Variants in WDR17 observed in about 807,000 individuals in gnomAD.
The protein encoded by WDR17 is WD repeat domain 17, also known as WD repeat-containing protein 17.
A neutral mutation model predicts 161.7 loss-of-function variants in WDR17; 143 were observed. That is an observed-to-expected ratio of 0.88 (90% CI 0.77 to 1.02). The LOEUF is 1.02. WDR17 is among the 50% of genes least tolerant of loss of function. The pLI is 0.00. For synonymous variants in WDR17, 517 were observed against 515.6 expected (o/e 1.00, Z -0.04); for missense variants, 1,469 against 1,520.9 (o/e 0.97, Z 0.57).
At chr4:176,133,242 C>T (rs1475623497) in intron 7 of WDR17, among the ~76,000 whole-genome samples, 1 of 121,126 alleles carries the variant, frequency 8.3e-6, no homozygotes, top group Non-Finnish European at 1.7e-5. Context: ...TGTGGTTCTC[C>T]TTGGTCTCCT....
intron 1 of WDR17, among the ~76,000 whole-genome samples, chr4:176,072,103 C>A (rs145096841): frequency 8.8e-4 from 134 of 152,292 alleles, no homozygotes; most frequent in African/African-American, 3.1e-3. Context: ...CCTATTTTGT[C>A]TTCTAAGCTT....
chr4:176,140,063 A>G (rs1285250203), intron 10 of WDR17, 89 bp downstream of exon 10: 4 of 1,113,308 alleles, frequency 3.6e-6, no homozygotes, highest in Non-Finnish European at 5.1e-6. Flanking sequence ...ATGAGATTTC[A>G]TTTGTACAGC....
intron 2 of WDR17, among the ~76,000 whole-genome samples, chr4:176,113,856 T>C (rs1740177016): frequency 6.6e-6 from 1 of 152,038 alleles, no homozygotes; most frequent in Admixed American, 6.6e-5. Context: ...AACTGTTGTT[T>C]TGTAATGCAC....
At chr4:176,102,028 T>C (rs559213569) in intron 1 of WDR17, among the ~76,000 whole-genome samples, 3 of 152,302 alleles carry the variant, frequency 2.0e-5, no homozygotes, top group South Asian at 2.1e-4. Context: ...AGCTGGACTT[T>C]ATTAAAATGA....
intron 17 of WDR17, among the ~76,000 whole-genome samples, chr4:176,152,858 C>G (rs1747433204): frequency 6.6e-6 from 1 of 151,628 alleles, no homozygotes; most frequent in African/African-American, 2.4e-5. Flanking sequence ...CTGCTTGAAC[C>G]TGGGAGGCGG....
intron 1 of WDR17, among the ~76,000 whole-genome samples, chr4:176,068,981 A>T: frequency 6.6e-6 from 1 of 152,196 alleles, no homozygotes; most frequent in East Asian, 1.9e-4. Flanking sequence ...ATATAAAATG[A>T]TCAGCTTTGT....
At chr4:176,097,887 G>A (rs1224975694) in intron 1 of WDR17, among the ~76,000 whole-genome samples, 1 of 151,914 alleles carries the variant, frequency 6.6e-6, no homozygotes, top group Admixed American at 6.6e-5. Flanking sequence ...TGGAGATTAT[G>A]AGAATTCAAA....
At chr4:176,085,033 G>A (rs1735253060) in intron 1 of WDR17, among the ~76,000 whole-genome samples, 1 of 151,548 alleles carries the variant, frequency 6.6e-6, no homozygotes, top group Non-Finnish European at 1.5e-5. Context: ...CATTAGGCTT[G>A]TTCATATAAA....
In WDR17 at chr4:176,179,566, T is replaced by C; in HGVS notation, c.3839T>C (p.Leu1280Pro). Reference sequence around the variant, plus strand: ...TCACCTTTAGGGACTGGAATACGACTCAATCCATTCTGATAGAAGATTTTT... The same window carrying C: ...TCACCTTTAGGGACTGGAATACGACCCAATCCATTCTGATAGAAGATTTTT... ...PFSPLGTGIR[L>P]NPF Residue 1280 changes from leucine (L) to proline (P), a missense_variant, in exon 29 of 29, where the codon CTC becomes CCC. By Grantham distance (98) the Leu-to-Pro change is moderately conservative (BLOSUM62 -3). Transcript: ENST00000508596. 1.3e-6 allele frequency: 2 copies of C among 1,562,480 alleles called. No individual in the cohort carries two copies. Among genetic ancestry groups the C allele is most frequent in the South Asian group, 2.5e-5 (2 of 81,006 alleles).
At chr4:176,095,572 T>A (rs1458967331) in intron 1 of WDR17, among the ~76,000 whole-genome samples, 2 of 152,132 alleles carry the variant, frequency 1.3e-5, no homozygotes, top group East Asian at 3.8e-4. Context: ...AATGAAACAC[T>A]CAAATTACAA....
intron 17 of WDR17, among the ~76,000 whole-genome samples, chr4:176,152,944 AAAGG>A (rs1389833521): frequency 6.6e-6 from 1 of 152,066 alleles, no homozygotes; most frequent in Non-Finnish European, 1.5e-5. Context: ...AAAAAAAAAA[AAAGG>A]AAGCTTATTT....
intron 1 of WDR17, among the ~76,000 whole-genome samples, chr4:176,093,456 C>T (rs1016355037): frequency 5.3e-5 from 8 of 152,054 alleles, no homozygotes; most frequent in Middle Eastern, 3.4e-3. Flanking sequence ...ATAAGTTTTC[C>T]GACAATGAAA....
chr4:176,121,803 T>A (rs1463534906), intron 4 of WDR17, among the ~76,000 whole-genome samples: 2 of 152,204 alleles, frequency 1.3e-5, no homozygotes, highest in Non-Finnish European at 2.9e-5. Flanking sequence ...GAAAAAAGAC[T>A]ACCTTTGTTT....
chr4:176,086,425 G>A (rs1735424906), intron 1 of WDR17, among the ~76,000 whole-genome samples: 1 of 151,074 alleles, frequency 6.6e-6, no homozygotes, highest in African/African-American at 2.4e-5. Context: ...TCCTTTAATT[G>A]TGTCATTCTT....
At chr4:176,162,877 A>T (rs1009679055) in intron 21 of WDR17, among the ~76,000 whole-genome samples, 1 of 152,082 alleles carries the variant, frequency 6.6e-6, no homozygotes, top group African/African-American at 2.4e-5. Context: ...AGAATATCAT[A>T]GAGTGTTATT....
rs1162135845 is a variant in WDR17, at chr4:176,163,149, G to T, written c.2851-5G>T. 2 of 1,613,916 alleles carry T rather than the reference G, an allele frequency of 1.2e-6. No individual in the cohort carries two copies. The highest frequency in any genetic ancestry group is 1.7e-6 in the Non-Finnish European group (2 of 1,179,974). On this transcript the variant is annotated splice_polypyrimidine_tract_variant and splice_region_variant and intron_variant, in intron 21 of 28. Transcript: ENST00000508596. ...ACTGAAGAAATTATTTTCTTATTGA[G>T]CAAGCTTGCTATGGCATACCTGATT...
In WDR17 at chr4:176,162,948, T is replaced by A. The variant is rs555082314; in HGVS notation, c.2851-206T>A. Among the ~76,000 whole-genome samples, 33 of 152,280 alleles carry A rather than the reference T, an allele frequency of 2.2e-4. 1 individual carries two copies. The South Asian group carries it at 5.2e-3, about 24-fold the overall frequency. ...TCTTCAATTCTGACCTAAAAAAAAT[T>A]TCTGTATGTCTCATTAATAACTTTT... On this transcript the variant is annotated intron_variant, in intron 21 of 28. Coordinates refer to ENST00000508596, the MANE Select transcript of WDR17 (RefSeq NM_181265.4).
chr4:176,072,774 T>A (rs1042299629), intron 1 of WDR17, among the ~76,000 whole-genome samples: 1 of 152,220 alleles, frequency 6.6e-6, no homozygotes, highest in African/African-American at 2.4e-5. Flanking sequence ...TTTTTAGGGT[T>A]TTATTTTTTA....
chr4:176,131,525 C>A, intron 6 of WDR17, 29 bp from the exon 7 acceptor site: 2 of 1,565,086 alleles, frequency 1.3e-6, no homozygotes, highest in South Asian at 2.4e-5. Context: ...GGTTTCATTC[C>A]AATAGGATTT....
Sources: allele counts gnomAD v4.1 joint callset (sites outside exome capture counted in the v4.1 genomes callset), GRCh38; gene constraint gnomAD v4.1.1; transcripts MANE v1.5; gene names NCBI Gene and HGNC (gene_info 2026-07-23, HGNC 2026-07-21).